POU2F1: variants seen among roughly 807,000 people sequenced by gnomAD.
The protein encoded by POU2F1 is POU class 2 homeobox 1, also known as POU domain, class 2, transcription factor 1.
In POU2F1, 16 loss-of-function variants were observed where a neutral mutation model predicts 84.9. That is an observed-to-expected ratio of 0.19 (90% CI 0.13 to 0.29). The LOEUF (loss-of-function observed/expected upper bound fraction) is 0.29. POU2F1 is among the 10% of genes least tolerant of loss of function. The pLI, the probability that POU2F1 is intolerant of heterozygous loss-of-function variation, is 1.00. For synonymous variants in POU2F1, 368 were observed against 368.3 expected (o/e 1.00, Z 0.01); for missense variants, 738 against 942.6 (o/e 0.78, Z 2.84).
intron 10 of POU2F1, chr1:167,396,671 T>G: frequency 2.3e-6 from 1 of 429,294 alleles, no homozygotes; most frequent in Non-Finnish European, 4.1e-6. Context: ...CTCTTGTATT[T>G]GAGCCAGGAT....
chr1:167,304,042 G>A (rs1209283446), intron 1 of POU2F1, among the ~76,000 whole-genome samples: 2 of 152,130 alleles, frequency 1.3e-5, no homozygotes, highest in Non-Finnish European at 2.9e-5. Flanking sequence ...GAAGTAACTT[G>A]CGAAAGAAAT....
chr1:167,280,193 A>G (rs867114928), intron 1 of POU2F1, among the ~76,000 whole-genome samples: 3,837 of 147,094 alleles, frequency 0.026, 79 homozygotes, highest in African/African-American at 0.051. Flanking sequence ...GTCTCGGGGA[A>G]AAAAAAAAAA....
chr1:167,253,705 G>A (rs547081776), intron 1 of POU2F1, among the ~76,000 whole-genome samples: 1 of 152,208 alleles, frequency 6.6e-6, no homozygotes, highest in East Asian at 1.9e-4. Flanking sequence ...GGGATTATAA[G>A]CCTGAGCCAC....
At chr1:167,413,451 C>T (rs1289648196) in intron 15 of POU2F1, among the ~76,000 whole-genome samples, 1 of 151,910 alleles carries the variant, frequency 6.6e-6, no homozygotes, top group Non-Finnish European at 1.5e-5. Context: ...TAAGTTTATC[C>T]CAAGTATTAA....
At chr1:167,397,746 A>G (rs1421175051) in intron 10 of POU2F1, among the ~76,000 whole-genome samples, 1 of 152,042 alleles carries the variant, frequency 6.6e-6, no homozygotes, top group Non-Finnish European at 1.5e-5. Context: ...GGGTTTCACC[A>G]TTTAGCCAGG....
intron 1 of POU2F1, among the ~76,000 whole-genome samples, chr1:167,229,107 T>G (rs1190762029): frequency 6.6e-6 from 1 of 152,170 alleles, no homozygotes; most frequent in Admixed American, 6.6e-5. Flanking sequence ...CTCTGAATCC[T>G]TTGTGTTGGT....
chr1:167,338,363 T>C (rs1049020846), intron 2 of POU2F1: 2 of 383,956 alleles, frequency 5.2e-6, no homozygotes, highest in Admixed American at 5.9e-5. Flanking sequence ...GTTTATGTTA[T>C]CAGCAATGCT....
At chr1:167,377,393 T>G (rs1013571328) in intron 7 of POU2F1, among the ~76,000 whole-genome samples, 1 of 151,974 alleles carries the variant, frequency 6.6e-6, no homozygotes, top group African/African-American at 2.4e-5. Flanking sequence ...GAGACCATCC[T>G]AGCTAACACA....
At chr1:167,243,984 CTG>C (rs1460900779) in intron 1 of POU2F1, among the ~76,000 whole-genome samples, 1 of 152,144 alleles carries the variant, frequency 6.6e-6, no homozygotes, top group Non-Finnish European at 1.5e-5. Context: ...CGAGAGTAGA[CTG>C]TGCTGTGTCT....
intron 1 of POU2F1, among the ~76,000 whole-genome samples, chr1:167,268,019 C>T (rs1051149345): frequency 2.6e-5 from 4 of 152,022 alleles, no homozygotes; most frequent in African/African-American, 4.8e-5. Context: ...CTGCAGGTGG[C>T]GCTGGTGGTT....
chr1:167,372,347 T>TA (rs560983843), intron 5 of POU2F1, among the ~76,000 whole-genome samples: 259 of 152,340 alleles, frequency 1.7e-3, no homozygotes, highest in Non-Finnish European at 2.7e-3. Flanking sequence ...TTGAGATCAT[T>TA]ACACTGAAAA....
At chr1:167,325,326 A>G (rs1367376761) in intron 1 of POU2F1, among the ~76,000 whole-genome samples, 3 of 152,172 alleles carry the variant, frequency 2.0e-5, no homozygotes, top group Non-Finnish European at 4.4e-5. Flanking sequence ...AGGAGGTAAC[A>G]GGCAATAATT....
At chr1:167,300,188 C>G (rs190419248) in intron 1 of POU2F1, among the ~76,000 whole-genome samples, 1 of 152,286 alleles carries the variant, frequency 6.6e-6, no homozygotes, top group African/African-American at 2.4e-5. Context: ...CACATTTTCT[C>G]ACTTGTAAGT....
At chr1:167,387,112 A>T in intron 8 of POU2F1, 1 of 455,672 alleles carries the variant, frequency 2.2e-6, no homozygotes, top group South Asian at 1.6e-5. Context: ...CGTTCTCTGC[A>T]TATGGTGGCA....
intron 2 of POU2F1, among the ~76,000 whole-genome samples, chr1:167,339,517 G>A (rs964253993): frequency 1.1e-4 from 16 of 152,304 alleles, no homozygotes; most frequent in African/African-American, 3.8e-4. Context: ...AATATTGAGG[G>A]AAAAAGGAAT....
At chr1:167,389,507 T>G in intron 8 of POU2F1, 81 bp from the exon 9 acceptor site, 1 of 1,494,544 alleles carries the variant, frequency 6.7e-7, no homozygotes. Flanking sequence ...AATGTGGCTC[T>G]TTCCTTCAGT....
chr1:167,356,637 G>A (rs772053640), intron 2 of POU2F1, among the ~76,000 whole-genome samples: 1 of 152,122 alleles, frequency 6.6e-6, no homozygotes, highest in African/African-American at 2.4e-5. Flanking sequence ...GAAAGAATTC[G>A]ACTGAGGGGC....
At chr1:167,354,289 T>TTTTA (rs980156231) in intron 2 of POU2F1, among the ~76,000 whole-genome samples, 62 of 152,156 alleles carry the variant, frequency 4.1e-4, no homozygotes, top group African/African-American at 1.3e-3. Context: ...TTTTCTTTAT[T>TTTTA]TTTATTTATT....
At chr1:167,237,746 G>GTGTGTGTATATATA (rs1478366181) in intron 1 of POU2F1, among the ~76,000 whole-genome samples, 1 of 72,986 alleles carries the variant, frequency 1.4e-5, no homozygotes, top group Non-Finnish European at 2.4e-5. Flanking sequence ...ATGTGTGTGT[G>GTGTGTGTATATATA]TATATATATA....
Sources: allele counts gnomAD v4.1 joint callset (sites outside exome capture counted in the v4.1 genomes callset), GRCh38; gene constraint gnomAD v4.1.1; transcripts MANE v1.5; gene names NCBI Gene and HGNC (gene_info 2026-07-23, HGNC 2026-07-21).